DCAF15: variants seen among roughly 807,000 people sequenced by gnomAD.
DCAF15 encodes DDB1- and CUL4-associated factor 15.
Under a neutral mutation model 68.0 loss-of-function variants are expected in DCAF15, and 24 were observed. The observed-to-expected ratio is 0.35, with a 90% CI of 0.26 to 0.50. The LOEUF (loss-of-function observed/expected upper bound fraction) is 0.50. Ranked by LOEUF, DCAF15 falls within the 20% of genes least tolerant of loss-of-function variation. DCAF15 has a pLI of 0.98. For missense variants in DCAF15, 627 were observed against 830.6 expected, an observed-to-expected ratio of 0.75 and a Z score of 3.01; for synonymous variants, 376 against 341.6, an observed-to-expected ratio of 1.10 and a Z score of -1.11.
At chr19:13,958,432 C>T (rs1973454220) in intron 6 of DCAF15, among the ~76,000 whole-genome samples, 1 of 152,004 alleles carries the variant, frequency 6.6e-6, no homozygotes, top group Admixed American at 6.6e-5. Flanking sequence ...GGATGTGGCC[C>T]CTCTCTAGGG....
At chr19:13,953,222 A>G (rs1287238651) in intron 1 of DCAF15, 1 of 1,309,046 alleles carries the variant, frequency 7.6e-7, no homozygotes, top group Non-Finnish European at 1.0e-6. Context: ...CCTCCATCAG[A>G]CTGGAAACTC....
chr19:13,959,682 G>A lies in DCAF15; in HGVS notation c.1311+9G>A. 1 of 1,613,282 alleles carries A rather than the reference G, an allele frequency of 6.2e-7. No individual in the cohort carries two copies. Among genetic ancestry groups the A allele is most frequent in the Non-Finnish European group, 8.5e-7 (1 of 1,179,842 alleles). On this transcript the variant is annotated intron_variant, in intron 8 of 12. Coordinates refer to ENST00000254337, the MANE Select transcript of DCAF15 (RefSeq NM_138353.4). ...AGCGGACTGCTGTCCAGGTGGGTGTGGGCAGTGGGCGGGCCAAGGACAGTC... is the reference window on the plus strand; with the variant it reads ...AGCGGACTGCTGTCCAGGTGGGTGTAGGCAGTGGGCGGGCCAAGGACAGTC...
Position 13,956,002 on chromosome 19 carries a change from A to C in DCAF15, c.457A>C (p.Ile153Leu), listed in dbSNP as rs767007917. The change falls in exon 4 of 13, where the codon ATC (isoleucine) becomes CTC (leucine). Residue 153 changes from isoleucine (I) to leucine (L), a missense_variant. This residue lies in a region of DCAF15 where 273 missense variants were observed against 393.7 expected (regional missense o/e 0.69). Transcript: ENST00000254337. The part of the protein sequence containing the change: ...CEWPSDASKV[I>L]VFGFNTRSAN... ...GTGGCCCAGCGACGCCTCCAAGGTC[A>C]TCGTCTTCGGCTTCAAGTGAGACCA... The C allele has an allele frequency of 6.2e-7, 1 of 1,613,752 alleles. No individual in the cohort carries two copies. Among genetic ancestry groups the C allele is most frequent in the South Asian group, 1.1e-5 (1 of 91,078 alleles).
Position 13,957,597 on chromosome 19 carries a change from C to T in DCAF15, c.784+1075C>T, listed in dbSNP as rs185151747. On this transcript the variant is annotated intron_variant, in intron 6 of 12. Transcript: ENST00000254337. ...AACACAAGGAATCTATAACTGGAAC[C>T]ACTTAATATAAATTAAAAAGACGAT... 8.5e-5 allele frequency among the ~76,000 whole-genome samples: 13 copies of T among 152,276 alleles called. No individual in the cohort carries two copies. The East Asian group carries it at 1.9e-3, about 23-fold the overall frequency.
chr19:13,952,922 C>T (rs1320096111), intron 1 of DCAF15: 8 of 854,090 alleles, frequency 9.4e-6, no homozygotes, highest in Non-Finnish European at 1.4e-5. Context: ...CGGAGGGAGG[C>T]GACCCCAGAG....
rs1400795061 is a variant in DCAF15, at chr19:13,954,386, G to A, written c.179G>A (p.Arg60Gln). 3 of 1,613,764 alleles carry A rather than the reference G, an allele frequency of 1.9e-6. No homozygotes were observed. The highest frequency in any genetic ancestry group is 2.5e-6 in the Non-Finnish European group (3 of 1,180,006). Residue 60 changes from arginine to glutamine, a missense_variant, in exon 2 of 13, where the codon CGG becomes CAG. Arg to Gln is a conservative substitution (Grantham distance 43). This residue lies in a region of DCAF15 where 273 missense variants were observed against 393.7 expected (regional missense o/e 0.69). Transcript: ENST00000254337. Reference sequence around the variant, plus strand: ...CGCCTCTTCCGGAAGCTGCCTCCCCGGGTGTGCGTGTCCCTCAAGAACATT... The same window carrying A: ...CGCCTCTTCCGGAAGCTGCCTCCCCAGGTGTGCGTGTCCCTCAAGAACATT... ...SPRLFRKLPP[R>Q]VCVSLKNIVD...
At chr19:13,953,141 A>C (rs755056419) in intron 1 of DCAF15, 90 of 1,547,776 alleles carry the variant, frequency 5.8e-5, no homozygotes, top group Non-Finnish European at 7.4e-5. Flanking sequence ...CCCCATTGAA[A>C]GTGTGGGAGC....
rs1472728034 is a variant in DCAF15, at chr19:13,961,002, G to A, written c.*7G>A. 6.2e-7 allele frequency: 1 copy of A among 1,613,652 alleles called. No individual in the cohort carries two copies. The highest frequency in any genetic ancestry group is 1.3e-5 in the African/African-American group (1 of 75,064). On this transcript the variant is annotated 3_prime_UTR_variant, in exon 13 of 13. Coordinates refer to ENST00000254337, the MANE Select transcript of DCAF15 (RefSeq NM_138353.4). The stretch of plus-strand genomic sequence containing the variant: ...TACGTGGATCGTGCTGTGAGGGCCA[G>A]GCCGCCCCGGACACTGACTCCAACT...
intron 1 of DCAF15, chr19:13,953,189 A>T (rs1973165561): frequency 1.3e-6 from 2 of 1,485,804 alleles, no homozygotes; most frequent in South Asian, 2.5e-5. Flanking sequence ...GCAGAGTGAG[A>T]GTTACCGAAG....
At position 13,956,293 on chromosome 19, in the gene DCAF15, C is replaced by T. The variant is rs760676345; in HGVS notation, c.613+31C>T. The T allele has an allele frequency of 2.0e-5, 33 of 1,610,914 alleles. No individual in the cohort carries two copies. In the Admixed American group the frequency reaches 4.3e-4, roughly 21 times the overall value. On this transcript the variant is annotated intron_variant, in intron 5 of 12. Coordinates refer to ENST00000254337, the MANE Select transcript of DCAF15 (RefSeq NM_138353.4). ...GGGGCCGAGGGGGCGAGGGCCTCTTCCCCCCTCCCCCCCTTGCTCCGGGCC... is the reference window on the plus strand; with the variant it reads ...GGGGCCGAGGGGGCGAGGGCCTCTTTCCCCCTCCCCCCCTTGCTCCGGGCC...
At position 13,959,107 on chromosome 19, in the gene DCAF15, C is replaced by A. The variant is rs138896490; in HGVS notation, c.847C>A (p.Pro283Thr). The part of the protein sequence containing the change: ...HSTCPLAPAS[P>T]PEPQSPELPP... ...CACCTGCCCCCTGGCGCCTGCCAGC[C>A]CCCCTGAGCCCCAGAGCCCAGAGCT... The change falls in exon 7 of 13, where the codon CCC becomes ACC. Residue 283 changes from proline to threonine, a missense_variant. Physicochemically the swap from Pro to Thr is conservative, Grantham distance 38 (BLOSUM62 -1). This residue lies in a region of DCAF15 where 236 missense variants were observed against 225.1 expected (regional missense o/e 1.05). Transcript: ENST00000254337. The A allele has an allele frequency of 1.6e-4, 266 of 1,612,340 alleles. 1 individual carries two copies. The highest frequency in any genetic ancestry group is 3.1e-5 in the Non-Finnish European group (36 of 1,179,528).
rs769397801 is a variant in DCAF15 at position 13,956,279 on chromosome 19, G to A, written c.613+17G>A. 6.2e-7 allele frequency: 1 copy of A among 1,611,868 alleles called. No homozygotes were observed. On this transcript the variant is annotated intron_variant, in intron 5 of 12. Transcript: ENST00000254337. ...CCCACCCAGGTGAGGGGGCCGAGGGGGCGAGGGCCTCTTCCCCCCTCCCCC... is the reference window on the plus strand; with the variant it reads ...CCCACCCAGGTGAGGGGGCCGAGGGAGCGAGGGCCTCTTCCCCCCTCCCCC...
rs370931581 is a variant in DCAF15 at position 13,961,166 on chromosome 19, A to T, written c.*171A>T. 19 of 752,574 alleles carry T rather than the reference A, an allele frequency of 2.5e-5. No individual in the cohort carries two copies. In the East Asian group the frequency reaches 3.8e-4, roughly 15 times the overall value. The allele number at this position is 752,574 out of a possible 1,614,324, so 46.6% of individuals were successfully genotyped here. A position where few individuals can be genotyped will look rare whatever the true frequency, so the allele number is the denominator to read the frequency against. ...AGCCTCTGTTGGCCTGAGGGTCTGG[A>T]CGCTTTTTATTTATGCCTATTTAAG... is the stretch of plus-strand genomic sequence containing the variant. On this transcript the variant is annotated 3_prime_UTR_variant, in exon 13 of 13. Transcript: ENST00000254337.
chr19:13,953,056 C>T lies in DCAF15; in HGVS notation c.132+412C>T, dbSNP rs761656935. The T allele has an allele frequency of 1.9e-6, 3 of 1,542,882 alleles. No individual in the cohort carries two copies. The South Asian group carries it at 3.6e-5, about 18-fold the overall frequency. On this transcript the variant is annotated intron_variant, in intron 1 of 12. Coordinates refer to ENST00000254337, the MANE Select transcript of DCAF15 (RefSeq NM_138353.4). Reference sequence around the variant, plus strand: ...GCCCCTGCCGCTGGCTTTGGGCTTCCTCCGCCTGATGTTCCTCTCCCTGCC... The same window carrying T: ...GCCCCTGCCGCTGGCTTTGGGCTTCTTCCGCCTGATGTTCCTCTCCCTGCC...
At position 13,961,125 on chromosome 19, in the gene DCAF15, C is replaced by T. The variant is rs539700790; in HGVS notation, c.*130C>T. On this transcript the variant is annotated 3_prime_UTR_variant, in exon 13 of 13. Coordinates refer to ENST00000254337, the MANE Select transcript of DCAF15 (RefSeq NM_138353.4). ...CCGGCACTAGTGTTAGCCTGCGGAA[C>T]GGGGCTGGGCAGGGCAGCCTCTGTT... The T allele has an allele frequency of 2.9e-5, 33 of 1,136,110 alleles. No homozygotes were observed. The highest frequency in any genetic ancestry group is 4.6e-5 in the African/African-American group (3 of 65,090). The allele number at this position is 1,136,110 out of a possible 1,614,324, so 70.4% of individuals were successfully genotyped here.
Position 13,959,380 on chromosome 19 carries a change from C to A in DCAF15, c.1120C>A (p.Pro374Thr), listed in dbSNP as rs2047450664. ...TGGAGAGACGGCACCCCGGGACAGC[C>A]CCCCTGCCTCGGAGGCACCTGCCTC... Reference protein sequence around the residue: ...LCGETAPRDSPPASEAPASEP... With the variant: ...LCGETAPRDSTPASEAPASEP... The change falls in exon 7 of 13, where the codon CCC (proline) becomes ACC (threonine). Residue 374 changes from proline to threonine, a missense_variant. This residue lies in a region of DCAF15 where 236 missense variants were observed against 225.1 expected (regional missense o/e 1.05). Transcript: ENST00000254337. The A allele has an allele frequency of 1.9e-6, 3 of 1,605,668 alleles. No homozygotes were observed. In the African/African-American group the frequency reaches 4.0e-5, roughly 21 times the overall value.
At position 13,959,578 on chromosome 19, in the gene DCAF15, C is replaced by A; in HGVS notation, c.1220-4C>A. 1 of 1,613,048 alleles carries A rather than the reference C, an allele frequency of 6.2e-7. No homozygotes were observed. Among genetic ancestry groups the A allele is most frequent in the Non-Finnish European group, 8.5e-7 (1 of 1,179,868 alleles). The stretch of plus-strand genomic sequence containing the variant: ...CACCCCACCCCCACTTCCTGCCTCC[C>A]CAGAGTTGGAGGACGACAAGATCTC... On this transcript the variant is annotated splice_region_variant and splice_polypyrimidine_tract_variant and intron_variant, in intron 7 of 12. Transcript: ENST00000254337.
At position 13,955,865 on chromosome 19, in the gene DCAF15, C is replaced by G. The variant is rs73515570; in HGVS notation, c.367-47C>G. On this transcript the variant is annotated intron_variant, in intron 3 of 12. Coordinates refer to ENST00000254337, the MANE Select transcript of DCAF15 (RefSeq NM_138353.4). ...ACTGCATCGTACAGCTTCGGGGGAC[C>G]TCCGCAGTTTCCCTGACCCGGTGCT... 5.9e-3 allele frequency: 9,423 copies of G among 1,598,106 alleles called. 538 individuals are homozygous for G. In the African/African-American group the frequency reaches 0.11, roughly 19 times the overall value.
intron 6 of DCAF15, among the ~76,000 whole-genome samples, chr19:13,957,432 G>A (rs1028626946): frequency 2.0e-5 from 3 of 152,150 alleles, no homozygotes; most frequent in African/African-American, 4.8e-5. Context: ...GGGAGTTGGG[G>A]GCCACCTGAA....
Sources: gnomAD v4.1 joint callset for allele counts (sites outside exome capture counted in the v4.1 genomes callset) on GRCh38, gnomAD v4.1.1 for gene constraint, gnomAD v4.1.1 regional missense constraint, MANE v1.5 for transcripts, NCBI Gene and HGNC (gene_info 2026-07-23, HGNC 2026-07-21) for gene names.